Variants in DMXL2 observed in about 807,000 individuals in gnomAD.
The protein encoded by DMXL2 is dmX-like protein 2.
A neutral mutation model predicts 331.1 loss-of-function variants in DMXL2; 103 were observed. The ratio of observed to expected loss-of-function variants is 0.31; its 90% CI spans 0.27 to 0.37. The LOEUF (loss-of-function observed/expected upper bound fraction) is 0.37. DMXL2 is among the 10% of genes least tolerant of loss of function. The pLI is 1.00. For missense variants in DMXL2, 3,171 were observed against 3,642.9 expected, an observed-to-expected ratio of 0.87 and a Z score of 3.33; for synonymous variants, 1,281 against 1,252.1, an observed-to-expected ratio of 1.02 and a Z score of -0.49.
intron 41 of DMXL2, 23 bp downstream of exon 41, chr15:51,453,527 A>C: frequency 6.5e-7 from 1 of 1,546,644 alleles, no homozygotes; most frequent in Non-Finnish European, 8.8e-7. Flanking sequence ...TATATTTCTT[A>C]CTTTGCTTTT....
chr15:51,506,321 C>T (rs1483129401), intron 16 of DMXL2, among the ~76,000 whole-genome samples: 1 of 152,156 alleles, frequency 6.6e-6, no homozygotes, highest in African/African-American at 2.4e-5. Context: ...CCCTAGCCTC[C>T]CAAAGTGCTG....
chr15:51,549,812 G>T (rs564821806), intron 6 of DMXL2, among the ~76,000 whole-genome samples: 14 of 151,922 alleles, frequency 9.2e-5, no homozygotes, highest in Non-Finnish European at 1.0e-4. Flanking sequence ...GGATTGTTTG[G>T]TTTTTTCTTG....
intron 1 of DMXL2, among the ~76,000 whole-genome samples, chr15:51,577,024 A>G (rs890608181): frequency 1.3e-5 from 2 of 152,146 alleles, no homozygotes; most frequent in African/African-American, 4.8e-5. Context: ...CTGTTTTGCA[A>G]CTTTGTGAAT....
At chr15:51,501,148 C>G (rs1334595091) in intron 17 of DMXL2, among the ~76,000 whole-genome samples, 2 of 152,178 alleles carry the variant, frequency 1.3e-5, no homozygotes, top group African/African-American at 4.8e-5. Context: ...TCTGCACCAG[C>G]CACAAAAGCC....
chr15:51,578,912 C>T (rs2051224504), intron 1 of DMXL2, among the ~76,000 whole-genome samples: 1 of 152,110 alleles, frequency 6.6e-6, no homozygotes, highest in African/African-American at 2.4e-5. Context: ...CGAGAATAGC[C>T]TGGGAAACAC....
chr15:51,538,105 G>A (rs2048383693), intron 10 of DMXL2, 108 bp downstream of exon 10: 8 of 1,378,354 alleles, frequency 5.8e-6, no homozygotes, highest in Non-Finnish European at 7.9e-6. Flanking sequence ...GTAACAAATA[G>A]AAAAGTAAAA....
Position 51,478,473 on chromosome 15 carries a change from C to T in DMXL2, c.6757-126G>A, listed in dbSNP as rs1018193122. 121 of 718,040 alleles carry T rather than the reference C, an allele frequency of 1.7e-4. 2 individuals are homozygous for T. The highest frequency in any genetic ancestry group is 1.7e-4 in the Non-Finnish European group (74 of 429,486). The allele number at this position is 718,040 out of a possible 1,614,324, so 44.5% of individuals were successfully genotyped here. A position where few individuals can be genotyped will look rare whatever the true frequency, so the allele number is the denominator to read the frequency against. Reference sequence around the variant, plus strand: ...AAATAAGACTGAATCCTAGATGAGACTACTAACTCTGCTTTAAATCTTCTA... The same window carrying T: ...AAATAAGACTGAATCCTAGATGAGATTACTAACTCTGCTTTAAATCTTCTA... On this transcript the variant is annotated intron_variant, in intron 25 of 43. Coordinates refer to ENST00000560891, the MANE Select transcript of DMXL2 (RefSeq NM_001378457.1).
At chr15:51,551,594 A>G (rs2049226670) in intron 6 of DMXL2, among the ~76,000 whole-genome samples, 1 of 152,132 alleles carries the variant, frequency 6.6e-6, no homozygotes, top group African/African-American at 2.4e-5. Flanking sequence ...GGGCTTTCCA[A>G]CCATTCTCAG....
chr15:51,487,138 A>C (rs1257320744), intron 22 of DMXL2, among the ~76,000 whole-genome samples: 1 of 152,226 alleles, frequency 6.6e-6, no homozygotes, highest in Non-Finnish European at 1.5e-5. Flanking sequence ...AATTACTCTC[A>C]TAATCAGCTG....
At chr15:51,495,460 C>G (rs1208741752) in intron 18 of DMXL2, among the ~76,000 whole-genome samples, 1 of 152,014 alleles carries the variant, frequency 6.6e-6, no homozygotes, top group Non-Finnish European at 1.5e-5. Context: ...AAGTTAGGTA[C>G]AACTTTTAAT....
chr15:51,460,313 T>G, intron 33 of DMXL2: 1 of 985,388 alleles, frequency 1.0e-6, no homozygotes, highest in Non-Finnish European at 1.2e-6. Context: ...TGCCTTCCTT[T>G]CATCACGAAG....
intron 1 of DMXL2, among the ~76,000 whole-genome samples, chr15:51,579,665 A>G (rs1365737048): frequency 2.6e-5 from 4 of 152,172 alleles, no homozygotes; most frequent in African/African-American, 9.7e-5. Flanking sequence ...TAGTCAAAGA[A>G]CTTGGAGTTG....
At chr15:51,528,587 T>G (rs1356105335) in intron 13 of DMXL2, among the ~76,000 whole-genome samples, 4 of 152,116 alleles carry the variant, frequency 2.6e-5, no homozygotes, top group Non-Finnish European at 5.9e-5. Flanking sequence ...CAATTTTAAA[T>G]GTATATGCAC....
chr15:51,506,344 T>C, intron 16 of DMXL2, among the ~76,000 whole-genome samples: 1 of 152,100 alleles, frequency 6.6e-6, no homozygotes. Context: ...ATTATACGCA[T>C]GAGCCACCAT....
intron 1 of DMXL2, among the ~76,000 whole-genome samples, chr15:51,618,925 T>A (rs914683211): frequency 2.0e-5 from 3 of 152,196 alleles, no homozygotes; most frequent in Non-Finnish European, 2.9e-5. Flanking sequence ...TAAACTTTGA[T>A]CAATGTGTTG....
intron 15 of DMXL2, among the ~76,000 whole-genome samples, chr15:51,512,056 A>G (rs969155350): frequency 6.6e-6 from 1 of 152,052 alleles, no homozygotes; most frequent in Admixed American, 6.6e-5. Flanking sequence ...TGGGGGGCTA[A>G]GAGAGGGATA....
chr15:51,536,221 G>C lies in DMXL2; in HGVS notation c.2259C>G (p.Thr753=). 1 of 1,612,910 alleles carries C rather than the reference G, an allele frequency of 6.2e-7. No individual in the cohort carries two copies. Among genetic ancestry groups the C allele is most frequent in the Non-Finnish European group, 8.5e-7 (1 of 1,179,466 alleles). ...SELARINSLH[T]SAFSNVAWLP... is the part of the protein sequence containing the mutation. ...GCCAAGCCACATTAGAGAACGCTGA[G>C]GTATGTAAAGAGTTAATTCGAGCCA... The change falls in exon 12 of 44, where the codon ACC becomes ACG. Residue 753 remains threonine (T), a synonymous_variant. Transcript: ENST00000560891.
chr15:51,568,474 G>C lies in DMXL2; in HGVS notation c.285+13C>G. 2.7e-6 allele frequency: 4 copies of C among 1,467,658 alleles called. No homozygotes were observed. Among genetic ancestry groups the C allele is most frequent in the Non-Finnish European group, 3.7e-6 (4 of 1,078,258 alleles). 90.9% of individuals were successfully genotyped at this position (1,467,658 alleles called of 1,614,324 possible). A position where few individuals can be genotyped will look rare whatever the true frequency, so the allele number is the denominator to read the frequency against. ...TAGATTCTAAAAGTATTCTATTATT[G>C]GTTAATACTTACACAATTTCTTTTA... On this transcript the variant is annotated intron_variant, in intron 3 of 43. Transcript: ENST00000560891.
chr15:51,508,029 T>A (rs1177005976), intron 15 of DMXL2, among the ~76,000 whole-genome samples: 1 of 152,188 alleles, frequency 6.6e-6, no homozygotes, highest in Non-Finnish European at 1.5e-5. Context: ...ATATTGGTAA[T>A]GAGCGCTGCT....
Sources: gnomAD v4.1 joint callset for allele counts (sites outside exome capture counted in the v4.1 genomes callset) on GRCh38, gnomAD v4.1.1 for gene constraint, MANE v1.5 for transcripts, NCBI Gene and HGNC (gene_info 2026-07-23, HGNC 2026-07-21) for gene names.